The following SP3 variants were observed in gnomAD, a reference collection of about 807,000 sequenced individuals.
SP3 encodes transcription factor Sp3.
A neutral mutation model predicts 70.3 loss-of-function variants in SP3; 10 were observed. The observed-to-expected ratio is 0.14, with a 90% CI of 0.09 to 0.24. SP3 has a LOEUF of 0.24. Among genes scored for constraint, SP3 ranks in the 10% least tolerant of loss-of-function variants. The probability of loss-of-function intolerance (pLI) is 1.00; values close to 1 mark genes in which losing one functional copy is unlikely to be tolerated. For missense variants in SP3, 825 were observed against 914.6 expected (o/e 0.90, Z 1.26); for synonymous variants, 402 against 333.5 (o/e 1.21, Z -2.24).
intron 4 of SP3, among the ~76,000 whole-genome samples, chr2:173,933,487 C>G (rs1316724208): frequency 6.6e-6 from 1 of 151,506 alleles, no homozygotes; most frequent in Non-Finnish European, 1.5e-5. Context: ...ATGCTGCTTT[C>G]CTGACTTATG....
At chr2:173,927,731 T>C (rs1320379080) in intron 4 of SP3, among the ~76,000 whole-genome samples, 3 of 152,244 alleles carry the variant, frequency 2.0e-5, no homozygotes, top group Non-Finnish European at 4.4e-5. Context: ...CTATTTCAAC[T>C]TTCAATTATT....
chr2:173,964,822 CCCTTT>C, intron 1 of SP3: 1 of 479,374 alleles, frequency 2.1e-6, no homozygotes, highest in Non-Finnish European at 3.6e-6. Flanking sequence ...TCCTCTCCTC[CCCTTT>C]CCCTTCGCGC....
chr2:173,923,864 G>A (rs1034002020), intron 4 of SP3, among the ~76,000 whole-genome samples: 3 of 151,412 alleles, frequency 2.0e-5, no homozygotes, highest in East Asian at 1.9e-4. Context: ...CAGAACCACC[G>A]GATAATCCTA....
chr2:173,922,055 T>A (rs899512115), intron 4 of SP3, among the ~76,000 whole-genome samples: 1 of 152,112 alleles, frequency 6.6e-6, no homozygotes, highest in African/African-American at 2.4e-5. Context: ...CTGAGTCAAT[T>A]AAACCTCTTA....
intron 4 of SP3, among the ~76,000 whole-genome samples, chr2:173,944,022 G>A (rs576256113): frequency 6.6e-6 from 1 of 152,282 alleles, no homozygotes; most frequent in African/African-American, 2.4e-5. Flanking sequence ...TAACAGAAAA[G>A]GAATCGTAAA....
rs576134573 is a variant in SP3, at chr2:173,925,246, G to T, written c.1640-6461C>A. On this transcript the variant is annotated intron_variant, in intron 4 of 6. Coordinates refer to ENST00000310015, the MANE Select transcript of SP3 (RefSeq NM_003111.5). ...ATTCTATTGTATGTATATAGTATGT[G>T]TATGTAGCATGTGAAATCCTGTCAC... Among the ~76,000 whole-genome samples the T allele has an allele frequency of 4.6e-5, 7 of 152,306 alleles. No homozygotes were observed. The South Asian group carries it at 1.4e-3, about 32-fold the overall frequency.
intron 4 of SP3, among the ~76,000 whole-genome samples, chr2:173,952,547 A>G (rs1374867280): frequency 6.6e-6 from 1 of 152,208 alleles, no homozygotes; most frequent in African/African-American, 2.4e-5. Flanking sequence ...ATAACCCAGC[A>G]ATCCAGTCCC....
chr2:173,930,374 C>T (rs1334739933), intron 4 of SP3, among the ~76,000 whole-genome samples: 2 of 152,028 alleles, frequency 1.3e-5, no homozygotes, highest in South Asian at 2.1e-4. Flanking sequence ...TGAGACTAGC[C>T]TGGGTAACAC....
At chr2:173,949,612 C>T (rs1462506059) in intron 4 of SP3, among the ~76,000 whole-genome samples, 1 of 152,058 alleles carries the variant, frequency 6.6e-6, no homozygotes, top group Non-Finnish European at 1.5e-5. Context: ...AGTAGGAGCC[C>T]ATAAGAGATC....
intron 4 of SP3, among the ~76,000 whole-genome samples, chr2:173,930,479 G>GTAT (rs1690037755): frequency 6.6e-6 from 1 of 152,134 alleles, no homozygotes; most frequent in Non-Finnish European, 1.5e-5. Context: ...TCTGGACTCT[G>GTAT]TATTGCTTTT....
intron 5 of SP3, among the ~76,000 whole-genome samples, chr2:173,918,010 T>A (rs1574399506): frequency 6.6e-6 from 1 of 151,078 alleles, no homozygotes; most frequent in Admixed American, 6.7e-5. Flanking sequence ...TTAAAAAAAA[T>A]ATGATCTGAG....
intron 4 of SP3, among the ~76,000 whole-genome samples, chr2:173,937,907 CA>C (rs1186583497): frequency 1.3e-5 from 2 of 152,026 alleles, no homozygotes; most frequent in African/African-American, 4.8e-5. Context: ...AAAGAACTTA[CA>C]AAAAATCTCT....
intron 4 of SP3, among the ~76,000 whole-genome samples, chr2:173,925,584 T>C (rs1375555933): frequency 6.6e-6 from 1 of 152,228 alleles, no homozygotes; most frequent in Non-Finnish European, 1.5e-5. Context: ...TTTACAATTT[T>C]TTTAAAAATC....
chr2:173,925,805 T>A (rs1689895286), intron 4 of SP3, among the ~76,000 whole-genome samples: 1 of 151,846 alleles, frequency 6.6e-6, no homozygotes. Context: ...CCCTTCAGAT[T>A]AAAAAAAAGA....
rs994006745 is a variant in SP3, at chr2:173,903,552, A to G, written c.*6389T>C. ...CAATTAACACAACTTAAGAATTTTT[A>G]AAGGATCAGGGTGTGAGGAGGACTA... On this transcript the variant is annotated 3_prime_UTR_variant, in exon 7 of 7. Coordinates refer to ENST00000310015, the MANE Select transcript of SP3 (RefSeq NM_003111.5). 6.6e-6 allele frequency among the ~76,000 whole-genome samples: 1 copy of G among 152,240 alleles called. No individual in the cohort carries two copies. Among genetic ancestry groups the G allele is most frequent in the Admixed American group, 6.5e-5 (1 of 15,292 alleles).
chr2:173,931,391 T>C (rs1690062457), intron 4 of SP3, among the ~76,000 whole-genome samples: 1 of 152,190 alleles, frequency 6.6e-6, no homozygotes, highest in Non-Finnish European at 1.5e-5. Flanking sequence ...TTTCCCAGGC[T>C]GGAGTGCAGT....
chr2:173,965,116 C>A, intron 1 of SP3, 49 bp downstream of exon 1: 1 of 1,546,722 alleles, frequency 6.5e-7, no homozygotes, highest in South Asian at 1.2e-5. Context: ...TGGTCGGCGG[C>A]AGCGGCGGCG....
Position 173,901,826 on chromosome 2 carries a change from C to T in SP3, c.*8115G>A, listed in dbSNP as rs571398161. ...AAGCGATTCTCGTGCCTCAGCCTCC[C>T]GAGTAGCTGGGATTGCAGGCATGCG... On this transcript the variant is annotated 3_prime_UTR_variant, in exon 7 of 7. Coordinates refer to ENST00000310015, the MANE Select transcript of SP3 (RefSeq NM_003111.5). Among the ~76,000 whole-genome samples, 193 of 151,840 alleles carry T rather than the reference C, an allele frequency of 1.3e-3. No individual in the cohort carries two copies. Among genetic ancestry groups the T allele is most frequent in the Non-Finnish European group, 1.9e-3 (126 of 67,952 alleles).
At chr2:173,922,820 T>C (rs1271089874) in intron 4 of SP3, among the ~76,000 whole-genome samples, 1 of 152,164 alleles carries the variant, frequency 6.6e-6, no homozygotes, top group Admixed American at 6.6e-5. Flanking sequence ...TAGTATAGAC[T>C]CCAGAGAGTG....
Sources: allele counts gnomAD v4.1 joint callset (sites outside exome capture counted in the v4.1 genomes callset), GRCh38; gene constraint gnomAD v4.1.1; transcripts MANE v1.5; gene names NCBI Gene and HGNC (gene_info 2026-07-23, HGNC 2026-07-21).